The following ALCAM variants were observed in gnomAD, a reference collection of about 807,000 sequenced individuals.
The protein encoded by ALCAM is activated leukocyte cell adhesion molecule.
A neutral mutation model predicts 70.9 loss-of-function variants in ALCAM; 30 were observed. The observed-to-expected ratio is 0.42, with a 90% CI of 0.32 to 0.57. The LOEUF (loss-of-function observed/expected upper bound fraction) is 0.57, where lower values mean the gene tolerates loss of function less well. ALCAM is among the 20% of genes least tolerant of loss of function. The pLI is 0.11. For synonymous variants in ALCAM, 249 were observed against 242.5 expected (o/e 1.03, Z -0.25); for missense variants, 591 against 695.1 (o/e 0.85, Z 1.68).
intron 1 of ALCAM, among the ~76,000 whole-genome samples, chr3:105,428,819 A>G (rs1435689145): frequency 6.6e-6 from 1 of 152,000 alleles, no homozygotes; most frequent in Admixed American, 6.6e-5. Flanking sequence ...AAGAAAAACA[A>G]TGTGGTGCTA....
intron 14 of ALCAM, among the ~76,000 whole-genome samples, chr3:105,559,608 C>G (rs1293531306): frequency 6.6e-6 from 1 of 152,042 alleles, no homozygotes. Context: ...GTCATATCAT[C>G]TATTTCAGGG....
chr3:105,407,672 C>G (rs1029104473), intron 1 of ALCAM, among the ~76,000 whole-genome samples: 1 of 152,260 alleles, frequency 6.6e-6, no homozygotes, highest in Admixed American at 6.5e-5. Context: ...GATAAGGATG[C>G]CCACTTTCAC....
At chr3:105,502,771 C>G (rs1365700517) in intron 1 of ALCAM, among the ~76,000 whole-genome samples, 6 of 152,194 alleles carry the variant, frequency 3.9e-5, no homozygotes, top group African/African-American at 1.4e-4. Context: ...CCAAAATTAA[C>G]AGCCATAGTC....
At chr3:105,487,527 A>G (rs889110957) in intron 1 of ALCAM, among the ~76,000 whole-genome samples, 1 of 152,186 alleles carries the variant, frequency 6.6e-6, no homozygotes, top group Non-Finnish European at 1.5e-5. Context: ...CACTGGAGGA[A>G]TAGAGAAAAA....
At chr3:105,547,325 G>T (rs1940274026) in intron 10 of ALCAM, 41 bp downstream of exon 10, 1 of 1,576,016 alleles carries the variant, frequency 6.3e-7, no homozygotes, top group African/African-American at 1.4e-5. Context: ...TGTTCTTTGA[G>T]AATTTTTTAC....
chr3:105,569,799 C>A (rs966883076), intron 14 of ALCAM, among the ~76,000 whole-genome samples: 1 of 152,050 alleles, frequency 6.6e-6, no homozygotes. Context: ...TTCCTTGGGG[C>A]AGATGGATGG....
chr3:105,420,891 G>T (rs555798841), intron 1 of ALCAM, among the ~76,000 whole-genome samples: 7 of 151,586 alleles, frequency 4.6e-5, no homozygotes, highest in African/African-American at 1.7e-4. Flanking sequence ...AAAGTAAAAA[G>T]AGGGAGATTT....
At chr3:105,446,198 C>T (rs1045275679) in intron 1 of ALCAM, among the ~76,000 whole-genome samples, 3 of 151,894 alleles carry the variant, frequency 2.0e-5, no homozygotes, top group Non-Finnish European at 4.4e-5. Context: ...AGAAGATAAA[C>T]AAATGGCAAT....
chr3:105,394,014 G>T (rs1935887511), intron 1 of ALCAM, among the ~76,000 whole-genome samples: 1 of 151,788 alleles, frequency 6.6e-6, no homozygotes, highest in Admixed American at 6.6e-5. Context: ...TTGTGCCTGT[G>T]TATTTTTACA....
chr3:105,471,593 T>G (rs1937928889), intron 1 of ALCAM, among the ~76,000 whole-genome samples: 1 of 124,894 alleles, frequency 8.0e-6, no homozygotes, highest in African/African-American at 3.2e-5. Flanking sequence ...AGAAAATAAT[T>G]CATTTTGTGT....
intron 1 of ALCAM, among the ~76,000 whole-genome samples, chr3:105,424,853 A>C (rs930130819): frequency 5.3e-5 from 8 of 151,792 alleles, no homozygotes; most frequent in Non-Finnish European, 1.0e-4. Flanking sequence ...GAATAAGGGG[A>C]AAGAGTACCT....
At chr3:105,531,699 T>TA (rs1337006379) in intron 3 of ALCAM, among the ~76,000 whole-genome samples, 1 of 151,940 alleles carries the variant, frequency 6.6e-6, no homozygotes. Context: ...ATATATCCTA[T>TA]ATAGGACATT....
intron 1 of ALCAM, among the ~76,000 whole-genome samples, chr3:105,483,276 T>G (rs1048794085): frequency 9.9e-5 from 15 of 152,186 alleles, no homozygotes; most frequent in Middle Eastern, 3.2e-3. Flanking sequence ...AATAAATATT[T>G]GCAGAGTGCC....
chr3:105,456,028 G>A (rs554284683), intron 1 of ALCAM, among the ~76,000 whole-genome samples: 98 of 152,176 alleles, frequency 6.4e-4, no homozygotes, highest in Non-Finnish European at 6.6e-4. Flanking sequence ...GCAGTGAGCC[G>A]AGATCGCGCC....
intron 14 of ALCAM, among the ~76,000 whole-genome samples, chr3:105,560,410 A>C (rs1480221712): frequency 6.6e-6 from 1 of 152,102 alleles, no homozygotes; most frequent in Non-Finnish European, 1.5e-5. Context: ...GATTTGTAAG[A>C]GTTCTTAACA....
rs1210752541 is a variant in ALCAM, at chr3:105,553,628, T to G, written c.1664+1043T>G. On this transcript the variant is annotated intron_variant, in intron 14 of 15. Transcript: ENST00000306107. ...GATGCCAGTTCCAATGAAGCAATAT[T>G]CAAATGGAGCTGCCATCCAAGGGAG... is the stretch of plus-strand genomic sequence containing the variant. 2.0e-5 allele frequency among the ~76,000 whole-genome samples: 3 copies of G among 151,854 alleles called. No homozygotes were observed. The East Asian group carries it at 5.8e-4, about 29-fold the overall frequency.
chr3:105,516,506 T>G (rs1341577764), intron 1 of ALCAM, among the ~76,000 whole-genome samples: 1 of 152,068 alleles, frequency 6.6e-6, no homozygotes, highest in Non-Finnish European at 1.5e-5. Context: ...CTCACCGCAT[T>G]GAATTTCCAT....
At chr3:105,428,029 A>G (rs1337268661) in intron 1 of ALCAM, among the ~76,000 whole-genome samples, 4 of 151,948 alleles carry the variant, frequency 2.6e-5, no homozygotes, top group Non-Finnish European at 5.9e-5. Context: ...AAAATGTTTA[A>G]TTTATTTTTT....
chr3:105,448,942 G>T (rs1423496181), intron 1 of ALCAM, among the ~76,000 whole-genome samples: 1 of 152,166 alleles, frequency 6.6e-6, no homozygotes, highest in East Asian at 1.9e-4. Flanking sequence ...GAAACAGCTT[G>T]AGTATAAATG....
Sources: allele counts gnomAD v4.1 joint callset (sites outside exome capture counted in the v4.1 genomes callset), GRCh38; gene constraint gnomAD v4.1.1; transcripts MANE v1.5; gene names NCBI Gene and HGNC (gene_info 2026-07-23, HGNC 2026-07-21).